TRIM8: variants seen among roughly 807,000 people sequenced by gnomAD.
TRIM8 encodes the protein tripartite motif containing 8, also known as E3 ubiquitin-protein ligase TRIM8.
TRIM8 carries 9 observed loss-of-function variants against 55.7 expected under a neutral mutation model. That is an observed-to-expected ratio of 0.16 (90% CI 0.10 to 0.28). The LOEUF is 0.28. TRIM8 is among the 10% of genes least tolerant of loss of function. TRIM8 has a pLI of 1.00. For synonymous variants in TRIM8, 335 were observed against 333.3 expected (o/e 1.01, Z -0.06); for missense variants, 556 against 736.4 (o/e 0.76, Z 2.83).
chr10:102,658,110 ACAATAG>A lies in TRIM8; in HGVS notation c.*759_*764del, dbSNP rs1444132955. The stretch of plus-strand genomic sequence containing the variant: ...GAGAAATAAAATAATAAAATAAAAA[ACAATAG>A]CACAGCCCTTGTTGAGGTCAGCAGG... On this transcript the variant is annotated 3_prime_UTR_variant, in exon 6 of 6. Coordinates refer to ENST00000643721, the MANE Select transcript of TRIM8 (RefSeq NM_030912.3). The A allele has an allele frequency of 1.3e-5, 2 of 152,296 alleles. No individual in the cohort carries two copies. Among genetic ancestry groups the A allele is most frequent in the African/African-American group, 4.8e-5 (2 of 41,546 alleles). 9.4% of individuals were successfully genotyped at this position (152,296 alleles called of 1,614,324 possible). A position where few individuals can be genotyped will look rare whatever the true frequency, so the allele number is the denominator to read the frequency against.
chr10:102,650,416 C>A (rs1393079945), intron 1 of TRIM8, among the ~76,000 whole-genome samples: 1 of 152,152 alleles, frequency 6.6e-6, no homozygotes, highest in Non-Finnish European at 1.5e-5. Flanking sequence ...CCTGATTCTT[C>A]ATGCTTTTGT....
chr10:102,655,352 G>A (rs1209154554), intron 3 of TRIM8, 39 bp downstream of exon 3: 1 of 1,577,442 alleles, frequency 6.3e-7, no homozygotes, highest in Non-Finnish European at 8.6e-7. Context: ...GCACCCAGAG[G>A]GCCATTTCCA....
At chr10:102,651,170 G>C (rs893550996) in intron 1 of TRIM8, among the ~76,000 whole-genome samples, 5 of 152,206 alleles carry the variant, frequency 3.3e-5, no homozygotes, top group African/African-American at 7.2e-5. Context: ...AGCAGCAGGA[G>C]GGGGAAATGA....
rs762768158 is a variant in TRIM8, at chr10:102,657,276, C to A, written c.1578C>A (p.Asp526Glu). 1 of 1,613,692 alleles carries A rather than the reference C, an allele frequency of 6.2e-7. No individual in the cohort carries two copies. Among genetic ancestry groups the A allele is most frequent in the Non-Finnish European group, 8.5e-7 (1 of 1,179,804 alleles). The change falls in exon 6 of 6, where the codon GAC becomes GAA. Residue 526 changes from aspartate (D) to glutamate (E), a missense_variant. This residue lies in a region of TRIM8 where 391 missense variants were observed against 441.0 expected (regional missense o/e 0.89). Transcript: ENST00000643721. ...GCCTGGCGGTCAGAGACTGGCTTGACGCCTCCCAGCAGCCCGGCCACCAGG... is the reference window on the plus strand; with the variant it reads ...GCCTGGCGGTCAGAGACTGGCTTGAAGCCTCCCAGCAGCCCGGCCACCAGG... ...LPSLAVRDWL[D>E]ASQQPGHQDF...
Position 102,655,121 on chromosome 10 carries a change from C to T in TRIM8, c.708C>T (p.Tyr236=), listed in dbSNP as rs758431440. 122 of 1,612,662 alleles carry T rather than the reference C, an allele frequency of 7.6e-5. No homozygotes were observed. The highest frequency in any genetic ancestry group is 9.6e-5 in the Non-Finnish European group (113 of 1,179,634). ...NQLKEEVRLQ[Y]EKLHQLLDED... is the part of the protein sequence containing the mutation. ...TGAAGGAGGAAGTTCGGCTGCAGTA[C>T]GAGAAGCTGCACCAGCTGCTGGACG... The change falls in exon 3 of 6, where the codon TAC becomes TAT. Residue 236 remains tyrosine, a synonymous_variant. Transcript: ENST00000643721.
At position 102,654,995 on chromosome 10, in the gene TRIM8, T is replaced by C. The variant is rs1490726730; in HGVS notation, c.667-85T>C. ...GGGGCAGCCTGGTGACTTAGGGTTC[T>C]AGGATGTGAGAAGGGTAAGAGGGGG... On this transcript the variant is annotated intron_variant, in intron 2 of 5. Coordinates refer to ENST00000643721, the MANE Select transcript of TRIM8 (RefSeq NM_030912.3). 4.0e-6 allele frequency: 6 copies of C among 1,482,426 alleles called. No homozygotes were observed. The Admixed American group carries it at 9.6e-5, about 24-fold the overall frequency. The allele number at this position is 1,482,426 out of a possible 1,614,324, so 91.8% of individuals were successfully genotyped here. A position where few individuals can be genotyped will look rare whatever the true frequency, so the allele number is the denominator to read the frequency against.
Position 102,656,211 on chromosome 10 carries a change from G to T in TRIM8, c.933-59G>T. On this transcript the variant is annotated intron_variant, in intron 4 of 5. Transcript: ENST00000643721. This position sits in a 1 kb window ranked among gnomAD's most constrained non-coding sequence, Gnocchi z 4.6. ...GGGGGGCCAGGCCCATGGCGGGGAG[G>T]TAGGGCGGGCTCACCGGTGATGCCT... 1.9e-6 allele frequency: 3 copies of T among 1,614,056 alleles called. No homozygotes were observed. The highest frequency in any genetic ancestry group is 2.5e-6 in the Non-Finnish European group (3 of 1,179,990).
At chr10:102,648,814 C>T (rs1455628004) in intron 1 of TRIM8, among the ~76,000 whole-genome samples, 2 of 151,976 alleles carry the variant, frequency 1.3e-5, no homozygotes, top group East Asian at 1.9e-4. Context: ...TGTGGTGTGA[C>T]GGTCATGTGG....
At chr10:102,651,008 G>A (rs1414366825) in intron 1 of TRIM8, among the ~76,000 whole-genome samples, 11 of 152,146 alleles carry the variant, frequency 7.2e-5, no homozygotes, top group Admixed American at 6.5e-4. Context: ...TCTCCCAGGC[G>A]CTGTCTGTAG....
chr10:102,656,038 T>C lies in TRIM8; in HGVS notation c.901-68T>C. The C allele has an allele frequency of 5.6e-6, 9 of 1,612,150 alleles. No homozygotes were observed. Among genetic ancestry groups the C allele is most frequent in the Non-Finnish European group, 7.6e-6 (9 of 1,178,316 alleles). On this transcript the variant is annotated intron_variant, in intron 3 of 5. Coordinates refer to ENST00000643721, the MANE Select transcript of TRIM8 (RefSeq NM_030912.3). This position sits in a 1 kb window ranked among gnomAD's most constrained non-coding sequence, Gnocchi z 4.6. ...AGGCTCAGGGGGGGCAGCTTTTGTCTTCCCCTCTCCCCGGGCTCTCCCTGG... is the reference window on the plus strand; with the variant it reads ...AGGCTCAGGGGGGGCAGCTTTTGTCCTCCCCTCTCCCCGGGCTCTCCCTGG...
chr10:102,654,499 C>G, intron 1 of TRIM8, 154 bp from the exon 2 acceptor site: 1 of 678,560 alleles, frequency 1.5e-6, no homozygotes, highest in Non-Finnish European at 2.7e-6. Context: ...GGGAATAGGC[C>G]CCTGGGATTG....
At chr10:102,645,413 C>T (rs1349929958) in intron 1 of TRIM8, 2 of 499,562 alleles carry the variant, frequency 4.0e-6, no homozygotes, top group South Asian at 3.0e-5. Flanking sequence ...GGTCCGTCTT[C>T]TGAGTGCTTT....
rs2064009722 is a variant in TRIM8, at chr10:102,654,715, G to A, written c.633G>A (p.Leu211=). ...EEREQDIEDQ[L]YKLESDKRLV... The stretch of plus-strand genomic sequence containing the variant: ...GAGAGCAGGACATTGAGGACCAGCT[G>A]TACAAACTCGAGTCAGACAAGCGCC... The change falls in exon 2 of 6, where the codon CTG becomes CTA. Residue 211 remains leucine, a synonymous_variant. Coordinates refer to ENST00000643721, the MANE Select transcript of TRIM8 (RefSeq NM_030912.3). 2 of 1,614,170 alleles carry A rather than the reference G, an allele frequency of 1.2e-6. No homozygotes were observed. The highest frequency in any genetic ancestry group is 1.1e-5 in the South Asian group (1 of 91,084).
At chr10:102,654,598 G>A (rs2135982882) in intron 1 of TRIM8, 55 bp from the exon 2 acceptor site, 6 of 1,350,346 alleles carry the variant, frequency 4.4e-6, no homozygotes, top group Middle Eastern at 1.8e-4. Context: ...AGGGAAGCAT[G>A]GGTCAGGGTT....
At position 102,657,416 on chromosome 10, in the gene TRIM8, T is replaced by C. The variant is rs528960543; in HGVS notation, c.*62T>C. On this transcript the variant is annotated 3_prime_UTR_variant, in exon 6 of 6. Transcript: ENST00000643721. ...CCCCAGCCCCCGGGCTCGGGAGTTA[T>C]GCATCCAGAGACCTGCCCTTCTACC... 1.2e-4 allele frequency: 183 copies of C among 1,512,340 alleles called. 1 individual carries two copies. The African/African-American group carries it at 1.9e-3, about 16-fold the overall frequency. 93.7% of individuals were successfully genotyped at this position (1,512,340 alleles called of 1,614,324 possible). A position where few individuals can be genotyped will look rare whatever the true frequency, so the allele number is the denominator to read the frequency against.
intron 2 of TRIM8, 160 bp from the exon 3 acceptor site, chr10:102,654,920 C>T (rs1426726061): frequency 4.2e-6 from 4 of 946,842 alleles, no homozygotes; most frequent in Non-Finnish European, 6.6e-6. Flanking sequence ...GCCCAGAGCC[C>T]TGTGCTACCA....
rs572174183 is a variant in TRIM8 at position 102,657,360 on chromosome 10, C to T, written c.*6C>T. 14 of 1,549,294 alleles carry T rather than the reference C, an allele frequency of 9.0e-6. No homozygotes were observed. Among genetic ancestry groups the T allele is most frequent in the East Asian group, 4.5e-5 (2 of 43,978 alleles). On this transcript the variant is annotated 3_prime_UTR_variant, in exon 6 of 6. Transcript: ENST00000643721. The stretch of plus-strand genomic sequence containing the variant: ...AACACTACGTGACGAGCTAACGCCA[C>T]GCAGGCGGCGGGGCGCTGGGGAATC...
intron 1 of TRIM8, among the ~76,000 whole-genome samples, chr10:102,646,288 T>TTGGGGCC (rs58861594): frequency 0.012 from 1,790 of 152,216 alleles, 17 homozygotes; most frequent in Non-Finnish European, 0.018. Flanking sequence ...AAGCCCCACC[T>TTGGGGCC]TGGGGCCTGG....
Position 102,657,448 on chromosome 10 carries a change from G to T in TRIM8, c.*94G>T. 7.1e-7 allele frequency: 1 copy of T among 1,414,500 alleles called. No homozygotes were observed. The highest frequency in any genetic ancestry group is 9.5e-7 in the Non-Finnish European group (1 of 1,057,050). 87.6% of individuals were successfully genotyped at this position (1,414,500 alleles called of 1,614,324 possible). A position where few individuals can be genotyped will look rare whatever the true frequency, so the allele number is the denominator to read the frequency against. On this transcript the variant is annotated 3_prime_UTR_variant, in exon 6 of 6. Transcript: ENST00000643721. ...AGAGACCTGCCCTTCTACCTTCCTC[G>T]CCTCCCCTCTTCCTCATTCCATTGC...
Sources: allele counts gnomAD v4.1 joint callset (sites outside exome capture counted in the v4.1 genomes callset), GRCh38; gene constraint gnomAD v4.1.1; regional missense constraint gnomAD v4.1.1; non-coding constraint Gnocchi (gnomAD v3.1); transcripts MANE v1.5; gene names NCBI Gene and HGNC (gene_info 2026-07-23, HGNC 2026-07-21).